RGS7: variants seen among roughly 807,000 people sequenced by gnomAD.
RGS7 encodes regulator of G-protein signaling 7.
Under a neutral mutation model 81.1 loss-of-function variants are expected in RGS7, and 27 were observed. That is an observed-to-expected ratio of 0.33 (90% confidence interval 0.25 to 0.46). The LOEUF (loss-of-function observed/expected upper bound fraction) is 0.46. Ranked by LOEUF, RGS7 falls within the 20% of genes least tolerant of loss-of-function variation. The pLI, the probability that RGS7 is intolerant of heterozygous loss-of-function variation, is 1.00. For synonymous variants in RGS7, 208 were observed against 207.7 expected, an observed-to-expected ratio of 1.00 and a Z score of -0.01; for missense variants, 396 against 607.4, an observed-to-expected ratio of 0.65 and a Z score of 3.66.
At chr1:241,165,693 G>A (rs1000607327) in intron 2 of RGS7, among the ~76,000 whole-genome samples, 34 of 151,240 alleles carry the variant, frequency 2.2e-4, no homozygotes, top group Admixed American at 6.6e-4. Context: ...TGACGAGTTA[G>A]TGGGTGCAGC....
chr1:241,320,052 CTGCACTCCAGCCTG>C (rs1573656148), intron 2 of RGS7, among the ~76,000 whole-genome samples: 1 of 152,256 alleles, frequency 6.6e-6, no homozygotes, highest in East Asian at 1.9e-4. Flanking sequence ...GATTGTGCCA[CTGCACTCCAGCCTG>C]GGCAACAGAG....
intron 6 of RGS7, among the ~76,000 whole-genome samples, chr1:240,883,003 G>A (rs185766124): frequency 1.6e-3 from 246 of 152,158 alleles, no homozygotes; most frequent in African/African-American, 5.5e-3. Flanking sequence ...TTGGTTTTTT[G>A]TCCTTGCAAC....
intron 2 of RGS7, among the ~76,000 whole-genome samples, chr1:241,102,167 T>C (rs1218721863): frequency 1.3e-5 from 2 of 152,148 alleles, no homozygotes; most frequent in Non-Finnish European, 2.9e-5. Flanking sequence ...TCCGTGAACC[T>C]TCTCATGGCC....
At position 240,827,146 on chromosome 1, in the gene RGS7, C is replaced by A. The variant is rs750236670; in HGVS notation, c.636G>T (p.Val212=). 6.2e-7 allele frequency: 1 copy of A among 1,613,666 alleles called. No homozygotes were observed. Among genetic ancestry groups the A allele is most frequent in the Non-Finnish European group, 8.5e-7 (1 of 1,179,644 alleles). Residue 212 remains valine (V), a synonymous_variant, in exon 10 of 19, where the codon GTG becomes GTT. Transcript: ENST00000440928. Reference sequence around the variant, plus strand: ...TCATTCTGGATGACTTCTTAATGTCCACTTCAGTTGTATTTACACATCCAG... The same window carrying A: ...TCATTCTGGATGACTTCTTAATGTCAACTTCAGTTGTATTTACACATCCAG... ...PVPGCVNTTE[V]DIKKSSRMRN...
rs115003204 is a variant in RGS7, at chr1:240,814,771, A to G, written c.790T>C (p.Tyr264His). ...TGTCTATCTAACTGTATTTGCCAAT[A>G]TTTTATCTGAAAAGAGGGTTAGAGA... ...TEDELQQQIKYWQIQLDRHRL... is the reference protein window; with the variant it reads ...TEDELQQQIKHWQIQLDRHRL... Residue 264 changes from tyrosine to histidine, a missense_variant, in exon 12 of 19, where the codon TAT (tyrosine) becomes CAT (histidine). Tyr to His is a moderately conservative substitution (Grantham distance 83). Transcript: ENST00000440928. 16 of 1,589,028 alleles carry G rather than the reference A, an allele frequency of 1.0e-5. No individual in the cohort carries two copies. The East Asian group carries it at 2.5e-4, about 24-fold the overall frequency.
chr1:241,230,751 G>A (rs140867310), intron 2 of RGS7, among the ~76,000 whole-genome samples: 57 of 152,296 alleles, frequency 3.7e-4, no homozygotes, highest in Admixed American at 1.7e-3. Flanking sequence ...TCCTAGGACC[G>A]TGAGTACAGC....
intron 6 of RGS7, among the ~76,000 whole-genome samples, chr1:240,878,712 G>GA (rs1325129573): frequency 6.6e-6 from 1 of 151,910 alleles, no homozygotes; most frequent in Non-Finnish European, 1.5e-5. Flanking sequence ...AGAGAATACT[G>GA]ATTTGGTGTA....
chr1:240,795,368 T>C (rs941918918), intron 18 of RGS7, among the ~76,000 whole-genome samples: 4 of 152,204 alleles, frequency 2.6e-5, no homozygotes, highest in Non-Finnish European at 5.9e-5. Context: ...GGTGGAGGTC[T>C]GTCATTAATG....
intron 2 of RGS7, among the ~76,000 whole-genome samples, chr1:241,280,292 C>T (rs2078429695): frequency 6.6e-6 from 1 of 152,162 alleles, no homozygotes; most frequent in Admixed American, 6.5e-5. Flanking sequence ...ATTGCCGGAT[C>T]CCTCCAGAGG....
intron 2 of RGS7, among the ~76,000 whole-genome samples, chr1:241,114,937 TTTC>T (rs1396320468): frequency 6.6e-6 from 1 of 152,228 alleles, no homozygotes; most frequent in African/African-American, 2.4e-5. Context: ...ACAGATTGAC[TTTC>T]TTCTTTCCTT....
In RGS7 at chr1:240,987,239, T is replaced by C. The variant is rs186424108; in HGVS notation, c.176-4110A>G. 3.4e-3 allele frequency among the ~76,000 whole-genome samples: 520 copies of C among 152,336 alleles called. 7 individuals carry two copies. Among genetic ancestry groups the C allele is most frequent in the African/African-American group, 0.012 (482 of 41,578 alleles). On this transcript the variant is annotated intron_variant, in intron 3 of 18. Transcript: ENST00000440928. ...AGCAAGCAAAATAGAACACATTTGATTTGCATCCTTTACAAAACTCAAGTA... is the reference window on the plus strand; with the variant it reads ...AGCAAGCAAAATAGAACACATTTGACTTGCATCCTTTACAAAACTCAAGTA...
chr1:241,008,209 T>TA (rs1219152658), intron 3 of RGS7, among the ~76,000 whole-genome samples: 6 of 151,306 alleles, frequency 4.0e-5, no homozygotes, highest in African/African-American at 9.7e-5. Context: ...GCCAAAAATC[T>TA]AAAAAAAAAT....
At chr1:241,091,117 T>A (rs1224363137) in intron 3 of RGS7, among the ~76,000 whole-genome samples, 1 of 152,030 alleles carries the variant, frequency 6.6e-6, no homozygotes, top group Non-Finnish European at 1.5e-5. Context: ...CTCTAGGAAA[T>A]GGAGAAAAGC....
At chr1:240,837,376 G>A (rs1338152730) in intron 9 of RGS7, among the ~76,000 whole-genome samples, 2 of 152,128 alleles carry the variant, frequency 1.3e-5, no homozygotes, top group Admixed American at 6.5e-5. Context: ...TCAATTGGAT[G>A]AGAAAAAAAG....
In RGS7 at chr1:240,887,461, T is replaced by C. The variant is rs1156876652; in HGVS notation, c.386-17342A>G. On this transcript the variant is annotated intron_variant, in intron 6 of 18. Transcript: ENST00000440928. ...GCCAGGATGGTCTCAATCTCCTGAC[T>C]TCGTGATCTGCCCGCCTCGGCCTCC... Among the ~76,000 whole-genome samples, 6 of 151,948 alleles carry C rather than the reference T, an allele frequency of 3.9e-5. 1 individual carries two copies. The East Asian group carries it at 1.2e-3, about 29-fold the overall frequency.
chr1:241,189,455 C>T (rs191993865), intron 2 of RGS7, among the ~76,000 whole-genome samples: 29 of 152,220 alleles, frequency 1.9e-4, no homozygotes, highest in African/African-American at 7.0e-4. Flanking sequence ...TATTTTCTTC[C>T]GGTCTCTAGC....
chr1:240,962,026 T>G (rs1681533830), intron 4 of RGS7, among the ~76,000 whole-genome samples: 1 of 152,158 alleles, frequency 6.6e-6, no homozygotes, highest in Admixed American at 6.5e-5. Flanking sequence ...TATTGCAATT[T>G]GCTCCCCTTC....
At chr1:240,895,767 T>C (rs1165383314) in intron 6 of RGS7, among the ~76,000 whole-genome samples, 1 of 152,222 alleles carries the variant, frequency 6.6e-6, no homozygotes, top group Non-Finnish European at 1.5e-5. Flanking sequence ...TGTGTCTTTA[T>C]AGCAGCATGA....
intron 2 of RGS7, among the ~76,000 whole-genome samples, chr1:241,273,185 C>G (rs929200778): frequency 2.2e-5 from 3 of 133,468 alleles, no homozygotes; most frequent in African/African-American, 7.7e-5. Flanking sequence ...ACCCCCCCCC[C>G]CAAAGGATAC....
Sources: gnomAD v4.1 joint callset for allele counts (sites outside exome capture counted in the v4.1 genomes callset) on GRCh38, gnomAD v4.1.1 for gene constraint, MANE v1.5 for transcripts, NCBI Gene and HGNC (gene_info 2026-07-23, HGNC 2026-07-21) for gene names.